WDR89: variants seen among roughly 807,000 people sequenced by gnomAD.
WDR89 encodes WD repeat domain 89.
WDR89 carries 17 observed loss-of-function variants against 29.1 expected under a neutral mutation model. The observed-to-expected ratio is 0.58, with a 90% CI of 0.40 to 0.88. The LOEUF (loss-of-function observed/expected upper bound fraction) is 0.88, where lower values mean the gene tolerates loss of function less well. Among genes scored for constraint, WDR89 ranks in the 40% least tolerant of loss-of-function variants. The probability of loss-of-function intolerance (pLI) is 0.00; values close to 1 mark genes in which losing one functional copy is unlikely to be tolerated. For missense variants in WDR89, 396 were observed against 456.3 expected, an observed-to-expected ratio of 0.87 and a Z score of 1.20; for synonymous variants, 138 against 157.8, an observed-to-expected ratio of 0.87 and a Z score of 0.94.
At chr14:63,614,418 C>T (rs1201814201) in intron 2 of WDR89, among the ~76,000 whole-genome samples, 5 of 151,786 alleles carry the variant, frequency 3.3e-5, no homozygotes. Flanking sequence ...AGCAATTCTC[C>T]CACCTACCTC....
intron 1 of WDR89, among the ~76,000 whole-genome samples, chr14:63,639,648 TTG>T (rs1328512805): frequency 5.9e-5 from 9 of 152,342 alleles, no homozygotes; most frequent in African/African-American, 2.2e-4. Flanking sequence ...CAAAATTCTC[TTG>T]TATTTTCTAC....
chr14:63,627,146 A>ACTCTCTCTCTCTCTCTCTCTCT (rs1226820529), intron 1 of WDR89, among the ~76,000 whole-genome samples: 2 of 130,578 alleles, frequency 1.5e-5, no homozygotes, highest in Admixed American at 8.0e-5. Context: ...ACACACACAC[A>ACTCTCTCTCTCTCTCTCTCTCT]CACACTCTCT....
At chr14:63,628,279 T>C (rs1450567747) in intron 1 of WDR89, among the ~76,000 whole-genome samples, 5 of 152,218 alleles carry the variant, frequency 3.3e-5, no homozygotes, top group Non-Finnish European at 5.9e-5. Context: ...GTTTCTTTTT[T>C]AGAATTTATA....
At chr14:63,625,905 G>A (rs148596947) in intron 1 of WDR89, among the ~76,000 whole-genome samples, 3 of 150,736 alleles carry the variant, frequency 2.0e-5, no homozygotes, top group Admixed American at 6.6e-5. Flanking sequence ...CCAGGCTCGA[G>A]AGCAGCAGCG....
chr14:63,601,787 T>G lies in WDR89; in HGVS notation c.-31-1814A>C, dbSNP rs1895077211. The G allele has an allele frequency of 2.5e-6, 3 of 1,214,882 alleles. No homozygotes were observed. In the African/African-American group the frequency reaches 4.5e-5, roughly 18 times the overall value. The allele number at this position is 1,214,882 out of a possible 1,614,324, so 75.3% of individuals were successfully genotyped here. ...AGGATTATTTCCTATTTAGAGATGGTGACGTTCTTGGAAAGTACGTAAACT... is the reference window on the plus strand; with the variant it reads ...AGGATTATTTCCTATTTAGAGATGGGGACGTTCTTGGAAAGTACGTAAACT... On this transcript the variant is annotated intron_variant, in intron 2 of 2. Transcript: ENST00000620954.
intron 1 of WDR89, among the ~76,000 whole-genome samples, chr14:63,634,891 A>G (rs1883632916): frequency 1.3e-5 from 2 of 149,700 alleles, no homozygotes; most frequent in Non-Finnish European, 3.0e-5. Context: ...AAAAAAAATT[A>G]GCTGGGCATG....
At chr14:63,633,618 A>G (rs1335337744) in intron 1 of WDR89, among the ~76,000 whole-genome samples, 1 of 152,210 alleles carries the variant, frequency 6.6e-6, no homozygotes, top group East Asian at 1.9e-4. Context: ...CCTAAATGTA[A>G]ATATTTATAG....
intron 2 of WDR89, among the ~76,000 whole-genome samples, chr14:63,616,160 C>G (rs1882291986): frequency 6.6e-6 from 1 of 151,992 alleles, no homozygotes; most frequent in Non-Finnish European, 1.5e-5. Context: ...ACTTGAGATG[C>G]TGAGGCGGGA....
At chr14:63,619,462 C>G (rs558812883) in intron 2 of WDR89, among the ~76,000 whole-genome samples, 1 of 152,092 alleles carries the variant, frequency 6.6e-6, no homozygotes, top group East Asian at 1.9e-4. Context: ...AACAAGTTAT[C>G]AAGAAATGAG....
chr14:63,626,660 C>T, intron 1 of WDR89, among the ~76,000 whole-genome samples: 1 of 103,838 alleles, frequency 9.6e-6, no homozygotes, highest in South Asian at 3.3e-4. Context: ...GCCTGGGCTA[C>T]AGAGTGAGAC....
chr14:63,614,011 T>C (rs1181359777), intron 2 of WDR89, among the ~76,000 whole-genome samples: 1 of 152,082 alleles, frequency 6.6e-6, no homozygotes, highest in Non-Finnish European at 1.5e-5. Flanking sequence ...AGTATATCCA[T>C]TTTACTGATG....
At chr14:63,638,500 A>T (rs575210740) in intron 1 of WDR89, among the ~76,000 whole-genome samples, 32 of 152,258 alleles carry the variant, frequency 2.1e-4, no homozygotes, top group Non-Finnish European at 4.1e-4. Context: ...ATGCTTAAAT[A>T]TAATTCAAAA....
At chr14:63,639,432 T>C (rs1428305934) in intron 1 of WDR89, among the ~76,000 whole-genome samples, 2 of 151,528 alleles carry the variant, frequency 1.3e-5, no homozygotes, top group Non-Finnish European at 2.9e-5. Flanking sequence ...AGTGTGTACT[T>C]TTCACCAAAG....
In WDR89 at chr14:63,634,810, C is replaced by T. The variant is rs8018655; in HGVS notation, c.-138+6994G>A. On this transcript the variant is annotated intron_variant, in intron 1 of 2. Coordinates refer to ENST00000620954, the MANE Select transcript of WDR89 (RefSeq NM_080666.4). ...GCTTGAACCCAGGAGGCGGAGGTTG[C>T]GGTGAGCCAAGATCGCACCATTGCA... 4.3e-3 allele frequency among the ~76,000 whole-genome samples: 637 copies of T among 147,906 alleles called. 4 individuals are homozygous for T. The highest frequency in any genetic ancestry group is 0.015 in the African/African-American group (602 of 39,880).
chr14:63,639,259 C>A (rs1432620056), intron 1 of WDR89, among the ~76,000 whole-genome samples: 1 of 151,688 alleles, frequency 6.6e-6, no homozygotes, highest in East Asian at 1.9e-4. Flanking sequence ...GTGGCTCATG[C>A]CAGTAATGCC....
intron 1 of WDR89, among the ~76,000 whole-genome samples, chr14:63,628,388 T>C (rs989614703): frequency 6.6e-6 from 1 of 152,212 alleles, no homozygotes; most frequent in Non-Finnish European, 1.5e-5. Context: ...ATTCTTAGGC[T>C]GCAACATTCA....
At chr14:63,615,527 T>C (rs1882245547) in intron 2 of WDR89, among the ~76,000 whole-genome samples, 1 of 152,222 alleles carries the variant, frequency 6.6e-6, no homozygotes, top group African/African-American at 2.4e-5. Context: ...ATGTTAACAT[T>C]ATCTAAGAGC....
At chr14:63,616,338 C>T (rs1882305149) in intron 2 of WDR89, among the ~76,000 whole-genome samples, 1 of 152,096 alleles carries the variant, frequency 6.6e-6, no homozygotes, top group African/African-American at 2.4e-5. Context: ...ATAACAAATT[C>T]AGCAAAGAAC....
chr14:63,624,579 G>A (rs1882916070), intron 2 of WDR89, among the ~76,000 whole-genome samples: 1 of 147,954 alleles, frequency 6.8e-6, no homozygotes, highest in Admixed American at 6.7e-5. Context: ...ATCTGATAAA[G>A]TTGCTATATC....
Sources: gnomAD v4.1 joint callset for allele counts (sites outside exome capture counted in the v4.1 genomes callset) on GRCh38, gnomAD v4.1.1 for gene constraint, MANE v1.5 for transcripts, NCBI Gene and HGNC (gene_info 2026-07-23, HGNC 2026-07-21) for gene names.